CENPF: variants seen among roughly 807,000 people sequenced by gnomAD.
The protein encoded by CENPF is AH antigen.
CENPF carries 214 observed loss-of-function variants against 307.3 expected under a neutral mutation model. The observed-to-expected ratio is 0.70, with a 90% CI of 0.62 to 0.78. The LOEUF (loss-of-function observed/expected upper bound fraction) is 0.78. CENPF is among the 30% of genes least tolerant of loss of function. CENPF has a pLI of 0.00. For missense variants in CENPF, 3,401 were observed against 3,483.9 expected (o/e 0.98, Z 0.60); for synonymous variants, 1,259 against 1,270.6 (o/e 0.99, Z 0.19).
chr1:214,644,950 G>A lies in CENPF; in HGVS notation c.5380G>A (p.Asp1794Asn). 6.2e-7 allele frequency: 1 copy of A among 1,613,026 alleles called. No homozygotes were observed. Reference sequence around the variant, plus strand: ...ATTACTTCATGTGATAGAGGACCGTGACAGAAAAGTTGAAAGTTTGCTAAA... The same window carrying A: ...ATTACTTCATGTGATAGAGGACCGTAACAGAAAAGTTGAAAGTTTGCTAAA... ...LRLLHVIEDR[D>N]RKVESLLNEM... Residue 1794 changes from aspartate to asparagine, a missense_variant, in exon 13 of 20, where the codon GAC becomes AAC. Coordinates refer to ENST00000366955, the MANE Select transcript of CENPF (RefSeq NM_016343.4).
chr1:214,635,143 A>G (rs1657920078), intron 10 of CENPF, among the ~76,000 whole-genome samples: 1 of 152,222 alleles, frequency 6.6e-6, no homozygotes, highest in Admixed American at 6.5e-5. Flanking sequence ...GATCTGTATT[A>G]CACTAGGTCC....
Position 214,642,992 on chromosome 1 carries a change from C to T in CENPF, c.4654C>T (p.Leu1552Phe). 1 of 1,610,072 alleles carries T rather than the reference C, an allele frequency of 6.2e-7. No individual in the cohort carries two copies. The highest frequency in any genetic ancestry group is 1.1e-5 in the South Asian group (1 of 90,632). The change falls in exon 12 of 20, where the codon CTT becomes TTT. Residue 1552 changes from leucine (L) to phenylalanine (F), a missense_variant. By Grantham distance (22) the Leu-to-Phe change is conservative. Transcript: ENST00000366955. Reference protein sequence around the residue: ...PSAPAKGVEELESLCEVYRQS... With the variant: ...PSAPAKGVEEFESLCEVYRQS... ...GGCCCCAGCGAAGGGTGTTGAAGAG[C>T]TTGAGTCCCTCTGTGAGGTGTACCG...
Position 214,622,275 on chromosome 1 carries a change from A to T in CENPF, c.1062A>T (p.Ser354=). The T allele has an allele frequency of 6.2e-7, 1 of 1,606,274 alleles. No homozygotes were observed. Among genetic ancestry groups the T allele is most frequent in the Non-Finnish European group, 8.5e-7 (1 of 1,177,558 alleles). ...CAACAGCACAATACGACCAGGCGTC[A>T]ACCAAGGTACTTGACTTTTCGTGAA... ...VRTTAQYDQA[S]TKYTALEQKL... is the part of the protein sequence containing the mutation. Residue 354 remains serine, a synonymous_variant, in exon 7 of 20, where the codon TCA becomes TCT. Transcript: ENST00000366955.
In CENPF at chr1:214,659,493, C is replaced by T. The variant is rs1571731120; in HGVS notation, c.9141+465C>T. 6.6e-6 allele frequency among the ~76,000 whole-genome samples: 1 copy of T among 150,484 alleles called. No individual in the cohort carries two copies. The highest frequency in any genetic ancestry group is 1.5e-5 in the Non-Finnish European group (1 of 67,754). ...TTCAATAGATATCTAAGGAAAGGAA[C>T]TCTGTTTATAGATCTCTCTATTTTG... On this transcript the variant is annotated intron_variant, in intron 19 of 19. Coordinates refer to ENST00000366955, the MANE Select transcript of CENPF (RefSeq NM_016343.4). This position sits in a 1 kb window ranked among gnomAD's most constrained non-coding sequence, Gnocchi z 4.4.
intron 7 of CENPF, 148 bp downstream of exon 7, chr1:214,622,429 G>A: frequency 1.3e-6 from 1 of 748,118 alleles, no homozygotes; most frequent in Non-Finnish European, 2.1e-6. Context: ...GAACTAGAAA[G>A]CTGTTTTAAG....
intron 1 of CENPF, chr1:214,608,765 G>C: frequency 6.2e-7 from 1 of 1,600,486 alleles, no homozygotes; most frequent in South Asian, 1.1e-5. Context: ...AGGAAGGCGA[G>C]CTTGGCAGCG....
Position 214,642,023 on chromosome 1 carries a change from AAGG to A in CENPF, c.3688_3690del (p.Glu1230del), listed in dbSNP as rs781744990. 2.5e-6 allele frequency: 4 copies of A among 1,610,596 alleles called. No individual in the cohort carries two copies. The highest frequency in any genetic ancestry group is 2.7e-5 in the African/African-American group (2 of 74,590). The stretch of plus-strand genomic sequence containing the variant: ...GGAATTAAAACTTCAGGAAAGTGAG[AAGG>A]AGAAGGAGTGCCTGCAGCATGAATT... On this transcript the variant is annotated inframe_deletion, in exon 12 of 20. Coordinates refer to ENST00000366955, the MANE Select transcript of CENPF (RefSeq NM_016343.4).
chr1:214,610,484 T>G (rs114833576), intron 1 of CENPF, among the ~76,000 whole-genome samples: 9,123 of 152,056 alleles, frequency 0.06, 869 homozygotes, highest in African/African-American at 0.21. Context: ...CATGTATTTT[T>G]TTTTTTTTTT....
intron 18 of CENPF, among the ~76,000 whole-genome samples, chr1:214,657,949 A>T (rs367773425): frequency 6.6e-6 from 1 of 152,332 alleles, no homozygotes; most frequent in East Asian, 1.9e-4. Context: ...TTTTCATAGC[A>T]ACTTGATATT....
At position 214,658,894 on chromosome 1, in the gene CENPF, C is replaced by T. The variant is rs767547548; in HGVS notation, c.9007C>T (p.Arg3003Ter). 3.7e-6 allele frequency: 6 copies of T among 1,614,076 alleles called. No homozygotes were observed. Among genetic ancestry groups the T allele is most frequent in the East Asian group, 4.5e-5 (2 of 44,882 alleles). The change falls in exon 19 of 20, where the codon CGA (arginine) becomes TGA (stop). Residue 3003 changes from arginine to a stop codon, truncating the protein, a stop_gained. Transcript: ENST00000366955. LOFTEE classifies it high-confidence loss of function. ...PTGKTSPYIL[R>*]RTTMATRTSP... Reference sequence around the variant, plus strand: ...AGGAAAGACTAGCCCATATATCCTGCGAAGAACAACCATGGCAACTCGGAC... The same window carrying T: ...AGGAAAGACTAGCCCATATATCCTGTGAAGAACAACCATGGCAACTCGGAC...
At position 214,657,303 on chromosome 1, in the gene CENPF, C is replaced by T; in HGVS notation, c.8856C>T (p.Ser2952=). The change falls in exon 18 of 20, where the codon AGC becomes AGT. Residue 2952 remains serine, a synonymous_variant. Coordinates refer to ENST00000366955, the MANE Select transcript of CENPF (RefSeq NM_016343.4). ...GACCAACACCTGCTACCCCAGAGAGCTTTTCTAAAAAAAGCAAGAAAGCAG... is the reference window on the plus strand; with the variant it reads ...GACCAACACCTGCTACCCCAGAGAGTTTTTCTAAAAAAAGCAAGAAAGCAG... ...GRGPTPATPE[S]FSKKSKKAVM... 6.2e-7 allele frequency: 1 copy of T among 1,614,016 alleles called. No homozygotes were observed. The highest frequency in any genetic ancestry group is 1.3e-5 in the African/African-American group (1 of 75,030).
chr1:214,637,836 G>C (rs773513692), intron 10 of CENPF, 30 bp from the exon 11 acceptor site: 1 of 1,596,384 alleles, frequency 6.3e-7, no homozygotes, highest in Non-Finnish European at 8.5e-7. Flanking sequence ...CATTCGTTTT[G>C]GCTATAACCA....
chr1:214,658,486 T>C (rs980926291), intron 18 of CENPF, among the ~76,000 whole-genome samples: 2 of 151,998 alleles, frequency 1.3e-5, no homozygotes, highest in African/African-American at 2.4e-5. Flanking sequence ...ATACCCTCCT[T>C]TTTTCCCCAA....
chr1:214,624,846 G>A (rs1657609613), intron 7 of CENPF, among the ~76,000 whole-genome samples: 1 of 152,042 alleles, frequency 6.6e-6, no homozygotes, highest in South Asian at 2.1e-4. Flanking sequence ...CTGATTTTCT[G>A]TTTAGTTGTT....
intron 16 of CENPF, 103 bp downstream of exon 16, chr1:214,653,092 T>G (rs1571726186): frequency 8.6e-7 from 1 of 1,161,578 alleles, no homozygotes; most frequent in Non-Finnish European, 1.3e-6. Flanking sequence ...TTTATGAAAA[T>G]TTTTGGTAGT....
Position 214,645,694 on chromosome 1 carries a change from A to G in CENPF, c.6124A>G (p.Lys2042Glu). ...CCAGGAAAAGCTGCAGAGTTTGGAAAAGGACTCACAGGCACTGTCTTTGAC... is the reference window on the plus strand; with the variant it reads ...CCAGGAAAAGCTGCAGAGTTTGGAAGAGGACTCACAGGCACTGTCTTTGAC... ...HLQEKLQSLE[K>E]DSQALSLTKC... The change falls in exon 13 of 20, where the codon AAG (lysine) becomes GAG (glutamate). Residue 2042 changes from lysine to glutamate, a missense_variant. Lys to Glu is a moderately conservative substitution (Grantham distance 56). Coordinates refer to ENST00000366955, the MANE Select transcript of CENPF (RefSeq NM_016343.4). The G allele has an allele frequency of 1.9e-6, 3 of 1,614,192 alleles. No homozygotes were observed. The highest frequency in any genetic ancestry group is 2.5e-6 in the Non-Finnish European group (3 of 1,180,026).
intron 1 of CENPF, among the ~76,000 whole-genome samples, chr1:214,607,828 G>A (rs1435877931): frequency 2.0e-5 from 3 of 152,186 alleles, no homozygotes; most frequent in Non-Finnish European, 4.4e-5. Context: ...TGTGCTGGGG[G>A]TCTGCACCTG....
At chr1:214,616,835 CTCTTTCTTTCTTTCTTTCTTTCTTTCT>C (rs1657354653) in intron 3 of CENPF, among the ~76,000 whole-genome samples, 1 of 68,510 alleles carries the variant, frequency 1.5e-5, no homozygotes, top group African/African-American at 5.8e-5. Flanking sequence ...TCCTTCCTTC[CTCTTTCTTTCTTTCTTTCTTTCTTTCT>C]TTCTTTCTTT....
rs1413683897 is a variant in CENPF, at chr1:214,620,886, A to C, written c.805A>C (p.Ser269Arg). Residue 269 changes from serine (S) to arginine (R), a missense_variant, in exon 6 of 20, where the codon AGT (serine) becomes CGT (arginine). Physicochemically the swap from Ser to Arg is moderately radical, Grantham distance 110. Transcript: ENST00000366955. Reference sequence around the variant, plus strand: ...AATAGGGAAAAGAGATGCTAATAGCAGTTTCTTTGACAATTCTAGCAGTCC... The same window carrying C: ...AATAGGGAAAAGAGATGCTAATAGCCGTTTCTTTGACAATTCTAGCAGTCC... ...LQIGKRDANS[S>R]FFDNSSSPHL... 11 of 1,614,084 alleles carry C rather than the reference A, an allele frequency of 6.8e-6. No individual in the cohort carries two copies. Among genetic ancestry groups the C allele is most frequent in the Non-Finnish European group, 9.3e-6 (11 of 1,179,962 alleles).
Sources: allele counts gnomAD v4.1 joint callset (sites outside exome capture counted in the v4.1 genomes callset), GRCh38; gene constraint gnomAD v4.1.1; non-coding constraint Gnocchi (gnomAD v3.1); transcripts MANE v1.5; gene names NCBI Gene and HGNC (gene_info 2026-07-23, HGNC 2026-07-21).